The following CHRDL1 variants were observed in gnomAD, a reference collection of about 807,000 sequenced individuals.
CHRDL1 encodes chordin-like protein 1.
A neutral mutation model predicts 40.9 loss-of-function variants in CHRDL1; 19 were observed. The observed-to-expected ratio is 0.46, with a 90% CI of 0.32 to 0.68. The LOEUF is 0.68. Among genes scored for constraint, CHRDL1 ranks in the 30% least tolerant of loss-of-function variants. CHRDL1 has a pLI of 0.03. For missense variants in CHRDL1, 329 were observed against 352.1 expected, an observed-to-expected ratio of 0.93 and a Z score of 0.53; for synonymous variants, 136 against 123.4, an observed-to-expected ratio of 1.10 and a Z score of -0.68.
At chrX:110,689,072 GTATATATATATATATATATATA>G (rs758293619) in intron 8 of CHRDL1, among the ~76,000 whole-genome samples, 5 of 31,164 alleles carry the variant, frequency 1.6e-4, no homozygotes, top group Admixed American at 1.3e-3. Context: ...ATATATATAT[GTATATATATATATATATATATA>G]TATATATATA....
chrX:110,737,096 T>G, intron 4 of CHRDL1, among the ~76,000 whole-genome samples: 1 of 111,922 alleles, frequency 8.9e-6, no homozygotes, highest in Middle Eastern at 4.7e-3. Context: ...TCCCCACTAT[T>G]TCCTCTGGAA....
chrX:110,733,165 T>A (rs1454924992), intron 4 of CHRDL1, among the ~76,000 whole-genome samples: 1 of 111,992 alleles, frequency 8.9e-6, no homozygotes, highest in East Asian at 2.8e-4. Context: ...TCCCTTCAGC[T>A]TGTGATGTGC....
Position 110,739,438 on chromosome X carries a change from C to T in CHRDL1, c.302-17908G>A, listed in dbSNP as rs1603211049. On this transcript the variant is annotated intron_variant, in intron 4 of 11. Transcript: ENST00000372042. ...TGATAAACATGCCTTAGAAGACTGA[C>T]CTATAAAACGTCCTGCAAAACTCTC... Among the ~76,000 whole-genome samples the T allele has an allele frequency of 2.7e-5, 3 of 111,881 alleles. 1 individual carries two copies. The Admixed American group carries it at 2.8e-4, about 11-fold the overall frequency.
chrX:110,788,828 A>T (rs953869775), intron 2 of CHRDL1, among the ~76,000 whole-genome samples: 2 of 112,070 alleles, frequency 1.8e-5, no homozygotes, highest in African/African-American at 6.5e-5. Flanking sequence ...CCATCCGGAG[A>T]TTTAAAAAAA....
chrX:110,783,130 AT>A (rs1246561921), intron 2 of CHRDL1, among the ~76,000 whole-genome samples: 3 of 111,389 alleles, frequency 2.7e-5, no homozygotes, highest in Non-Finnish European at 3.8e-5. Flanking sequence ...AAACATTATA[AT>A]TTTTTTTTCT....
At chrX:110,766,867 A>C (rs2089671014) in intron 2 of CHRDL1, among the ~76,000 whole-genome samples, 1 of 111,471 alleles carries the variant, frequency 9.0e-6, no homozygotes, top group Non-Finnish European at 1.9e-5. Context: ...TAACACCAAA[A>C]CCAGGAAAGG....
intron 9 of CHRDL1, among the ~76,000 whole-genome samples, chrX:110,681,990 C>A (rs1483063358): frequency 1.8e-5 from 2 of 112,061 alleles, no homozygotes; most frequent in African/African-American, 6.5e-5. Flanking sequence ...AGGTACAAAT[C>A]TCCTAGGCAC....
chrX:110,774,465 T>C (rs1423158921), intron 2 of CHRDL1, among the ~76,000 whole-genome samples: 1 of 110,751 alleles, frequency 9.0e-6, no homozygotes, highest in Non-Finnish European at 1.9e-5. Flanking sequence ...AAAGGTCAAC[T>C]TCACAGAGAT....
At chrX:110,751,062 A>C (rs749591341) in intron 4 of CHRDL1, among the ~76,000 whole-genome samples, 6 of 111,249 alleles carry the variant, frequency 5.4e-5, no homozygotes, top group Non-Finnish European at 9.4e-5. Flanking sequence ...TGCAGTCCTC[A>C]ATCCGACTGC....
chrX:110,731,038 T>C (rs1214296786), intron 4 of CHRDL1, among the ~76,000 whole-genome samples: 1 of 111,180 alleles, frequency 9.0e-6, no homozygotes, highest in Non-Finnish European at 1.9e-5. Flanking sequence ...GGGAAAGCAA[T>C]CAATAGAGCA....
chrX:110,787,365 A>G (rs1289622337), intron 2 of CHRDL1, among the ~76,000 whole-genome samples: 1 of 111,930 alleles, frequency 8.9e-6, no homozygotes, highest in Non-Finnish European at 1.9e-5. Context: ...CTAACTACAG[A>G]GCCTCCATGA....
intron 6 of CHRDL1, among the ~76,000 whole-genome samples, chrX:110,703,120 CTT>C (rs1464152642): frequency 9.0e-6 from 1 of 111,363 alleles, no homozygotes; most frequent in Non-Finnish European, 1.9e-5. Flanking sequence ...TACCTGGAAA[CTT>C]GTTAGAAATG....
intron 6 of CHRDL1, among the ~76,000 whole-genome samples, chrX:110,716,612 G>C (rs1298861581): frequency 9.0e-6 from 1 of 110,716 alleles, no homozygotes; most frequent in African/African-American, 3.3e-5. Flanking sequence ...AATTAGGCTG[G>C]ATTTTGAAGG....
rs2070224778 is a variant in CHRDL1 at position 110,689,961 on chromosome X, ATATATCTATATATATC to A, written c.779-1174_779-1159del. Among the ~76,000 whole-genome samples, 8 of 64,420 alleles carry A rather than the reference ATATATCTATATATATC, an allele frequency of 1.2e-4. 3 individuals carry two copies. The highest frequency in any genetic ancestry group is 6.9e-4 in the African/African-American group (7 of 10,077). 55.9% of individuals were successfully genotyped at this position (64,420 alleles called of 115,157 possible). ...TATATCTATATATCTATATATATCT[ATATATCTATATATATC>A]TATATATCTATATATATCTATATAT... On this transcript the variant is annotated intron_variant, in intron 8 of 11. Transcript: ENST00000372042.
Position 110,762,724 on chromosome X carries a change from C to G in CHRDL1, c.178G>C (p.Val60Leu). ...GAGCAGATGCAGTTCACGCAGTAAA[C>G]CAACCCATAAGGTTCCAGGTAAGGA... ...WHPYLEPYGLVYCVNCICSEN... is the reference protein window; with the variant it reads ...WHPYLEPYGLLYCVNCICSEN... The change falls in exon 3 of 12, where the codon GTT becomes CTT. Residue 60 changes from valine (V) to leucine (L), a missense_variant. Coordinates refer to ENST00000372042, the MANE Select transcript of CHRDL1 (RefSeq NM_001143981.2). The G allele has an allele frequency of 2.5e-6, 3 of 1,186,331 alleles. No individual in the cohort carries two copies. The highest frequency in any genetic ancestry group is 3.4e-6 in the Non-Finnish European group (3 of 874,606).
chrX:110,771,656 C>A lies in CHRDL1; in HGVS notation c.95-8849G>T, dbSNP rs181011548. Among the ~76,000 whole-genome samples, 843 of 111,512 alleles carry A rather than the reference C, an allele frequency of 7.6e-3. 3 individuals carry two copies. Among genetic ancestry groups the A allele is most frequent in the Non-Finnish European group, 0.012 (645 of 53,055 alleles). On this transcript the variant is annotated intron_variant, in intron 2 of 11. Transcript: ENST00000372042. ...ATCCATTCATGACAGACAGTCTCTG[C>A]AAACTAGAATGAGTACTTCCTCAAC...
intron 6 of CHRDL1, among the ~76,000 whole-genome samples, chrX:110,702,204 C>T (rs775361146): frequency 9.0e-6 from 1 of 111,207 alleles, no homozygotes; most frequent in Non-Finnish European, 1.9e-5. Context: ...CTTTGAGCTA[C>T]TTGCTCTTCA....
At chrX:110,747,368 G>A (rs191800) in intron 4 of CHRDL1, among the ~76,000 whole-genome samples, 42,267 of 98,103 alleles carry the variant, frequency 0.43, 10,064 homozygotes, top group African/African-American at 0.88. Flanking sequence ...GTGACAAAAA[G>A]ACCCAAAAAC....
intron 2 of CHRDL1, among the ~76,000 whole-genome samples, chrX:110,780,828 A>G (rs189580968): frequency 1.1e-4 from 12 of 111,257 alleles, no homozygotes; most frequent in African/African-American, 3.6e-4. Context: ...GGTTGAATAT[A>G]TATTCATTTT....
Sources: allele counts gnomAD v4.1 joint callset (sites outside exome capture counted in the v4.1 genomes callset), GRCh38; gene constraint gnomAD v4.1.1; transcripts MANE v1.5; gene names NCBI Gene and HGNC (gene_info 2026-07-23, HGNC 2026-07-21).